Variants in PJA2 observed in about 807,000 individuals in gnomAD.
PJA2 encodes praja ring finger ubiquitin ligase 2.
PJA2 carries 25 observed loss-of-function variants against 69.3 expected under a neutral mutation model. The observed-to-expected ratio is 0.36, with a 90% CI of 0.26 to 0.50. The LOEUF (loss-of-function observed/expected upper bound fraction) is 0.50. Ranked by LOEUF, PJA2 falls within the 20% of genes least tolerant of loss-of-function variation. The pLI is 0.96. For missense variants in PJA2, 809 were observed against 830.2 expected (o/e 0.97, Z 0.31); for synonymous variants, 308 against 277.8 (o/e 1.11, Z -1.08).
At chr5:109,385,781 A>T (rs1295768581) in intron 1 of PJA2, among the ~76,000 whole-genome samples, 1 of 152,214 alleles carries the variant, frequency 6.6e-6, no homozygotes, top group African/African-American at 2.4e-5. Flanking sequence ...GCTTGGAACC[A>T]GAAGTGCGGA....
intron 2 of PJA2, 111 bp downstream of exon 2, chr5:109,383,292 A>C: frequency 1.2e-6 from 1 of 869,234 alleles, no homozygotes; most frequent in Non-Finnish European, 1.8e-6. Context: ...GATCAAAACC[A>C]GCCTTTTAGT....
intron 7 of PJA2, among the ~76,000 whole-genome samples, chr5:109,347,050 G>C (rs1323816922): frequency 1.3e-5 from 2 of 151,994 alleles, no homozygotes; most frequent in Non-Finnish European, 2.9e-5. Context: ...ACTTGCCTTG[G>C]GCCAAGCCCA....
intron 7 of PJA2, among the ~76,000 whole-genome samples, chr5:109,355,045 G>T (rs371179772): frequency 6.6e-6 from 1 of 152,096 alleles, no homozygotes; most frequent in African/African-American, 2.4e-5. Context: ...GATTGCTTGA[G>T]CCCAGGAGTT....
intron 7 of PJA2, among the ~76,000 whole-genome samples, chr5:109,350,344 G>T (rs139393049): frequency 1.1e-3 from 171 of 151,414 alleles, no homozygotes; most frequent in Non-Finnish European, 2.0e-3. Context: ...ACAATAGTTA[G>T]TCGAAGAGGC....
chr5:109,347,906 T>G (rs1379991326), intron 7 of PJA2, among the ~76,000 whole-genome samples: 1 of 152,240 alleles, frequency 6.6e-6, no homozygotes, highest in Non-Finnish European at 1.5e-5. Flanking sequence ...TGTATTTCTC[T>G]CTCTTGGGAC....
At chr5:109,401,262 C>T (rs528595238) in intron 1 of PJA2, among the ~76,000 whole-genome samples, 5 of 152,030 alleles carry the variant, frequency 3.3e-5, no homozygotes, top group African/African-American at 7.2e-5. Context: ...CCAACCTGGG[C>T]GACAGAGTGA....
chr5:109,355,759 T>A (rs1239892779), intron 7 of PJA2, among the ~76,000 whole-genome samples, 156 bp downstream of exon 7: 3 of 152,222 alleles, frequency 2.0e-5, no homozygotes, highest in Non-Finnish European at 4.4e-5. Flanking sequence ...GTATAATTTG[T>A]ATGCACATAC....
intron 7 of PJA2, among the ~76,000 whole-genome samples, chr5:109,355,152 T>C (rs1180060246): frequency 6.6e-6 from 1 of 152,096 alleles, no homozygotes; most frequent in East Asian, 1.9e-4. Context: ...AAACTGGACT[T>C]TCTAATCTCA....
At chr5:109,355,320 CT>C (rs1762396544) in intron 7 of PJA2, among the ~76,000 whole-genome samples, 1 of 152,162 alleles carries the variant, frequency 6.6e-6, no homozygotes, top group African/African-American at 2.4e-5. Flanking sequence ...ATGAAATCCA[CT>C]GGTACAGTAG....
At chr5:109,399,650 C>T (rs1225778544) in intron 1 of PJA2, among the ~76,000 whole-genome samples, 1 of 152,170 alleles carries the variant, frequency 6.6e-6, no homozygotes, top group Non-Finnish European at 1.5e-5. Flanking sequence ...CACATCCAGA[C>T]ATAAGAATTA....
intron 1 of PJA2, among the ~76,000 whole-genome samples, chr5:109,389,915 T>TG (rs1561361779): frequency 6.6e-6 from 1 of 151,926 alleles, no homozygotes; most frequent in African/African-American, 2.4e-5. Context: ...TTTTTTTTTT[T>TG]TTGTTATTGG....
At chr5:109,341,314 C>T (rs977760623) in intron 9 of PJA2, among the ~76,000 whole-genome samples, 330 of 147,822 alleles carry the variant, frequency 2.2e-3, no homozygotes, top group African/African-American at 7.7e-3. Flanking sequence ...ATGTGAGGAG[C>T]GCCTCTGCCC....
In PJA2 at chr5:109,347,091, CA is replaced by C. The variant is rs1762183018; in HGVS notation, c.1765-2273del. Among the ~76,000 whole-genome samples, 4 of 152,246 alleles carry C rather than the reference CA, an allele frequency of 2.6e-5. No homozygotes were observed. The South Asian group carries it at 8.3e-4, about 32-fold the overall frequency. The stretch of plus-strand genomic sequence containing the variant: ...AAATCAGGACTAAAAAAGGAAAAAG[CA>C]AAACGGTTCACAAAGAGTTAATAAA... On this transcript the variant is annotated intron_variant, in intron 7 of 9. Coordinates refer to ENST00000361189, the MANE Select transcript of PJA2 (RefSeq NM_014819.5).
intron 5 of PJA2, among the ~76,000 whole-genome samples, chr5:109,363,894 A>G (rs536183915): frequency 2.0e-5 from 3 of 152,220 alleles, no homozygotes; most frequent in African/African-American, 4.8e-5. Context: ...GCTCACCCCT[A>G]TAATCCCAGC....
intron 3 of PJA2, among the ~76,000 whole-genome samples, chr5:109,381,010 G>C (rs1326056219): frequency 6.6e-6 from 1 of 151,628 alleles, no homozygotes; most frequent in Non-Finnish European, 1.5e-5. Flanking sequence ...AGCTACTAAG[G>C]AGGCTGAGGC....
At chr5:109,347,209 T>C (rs946497710) in intron 7 of PJA2, among the ~76,000 whole-genome samples, 2 of 152,262 alleles carry the variant, frequency 1.3e-5, no homozygotes, top group African/African-American at 4.8e-5. Flanking sequence ...AATTGAATTA[T>C]TGCTTCTCAG....
intron 9 of PJA2, among the ~76,000 whole-genome samples, chr5:109,342,157 A>G (rs1239634544): frequency 5.4e-4 from 37 of 68,736 alleles, no homozygotes; most frequent in African/African-American, 1.3e-3. Context: ...TGGGGGGGTC[A>G]GCCCCCCGCC....
At chr5:109,341,572 G>A (rs1353194723) in intron 9 of PJA2, among the ~76,000 whole-genome samples, 187 of 133,012 alleles carry the variant, frequency 1.4e-3, no homozygotes, top group Admixed American at 1.7e-3. Context: ...CCCCCCGCCC[G>A]GCCAGCCGCC....
At chr5:109,405,750 G>A (rs553364638) in intron 1 of PJA2, among the ~76,000 whole-genome samples, 48 of 152,262 alleles carry the variant, frequency 3.2e-4, no homozygotes, top group African/African-American at 1.1e-3. Context: ...AATGGATAAT[G>A]TGCCTTGACA....
Sources: allele counts gnomAD v4.1 joint callset (sites outside exome capture counted in the v4.1 genomes callset), GRCh38; gene constraint gnomAD v4.1.1; transcripts MANE v1.5; gene names NCBI Gene and HGNC (gene_info 2026-07-23, HGNC 2026-07-21).